OPRK1: variants seen among roughly 807,000 people sequenced by gnomAD.
OPRK1 encodes the protein kappa-type opioid receptor.
Under a neutral mutation model 24.5 loss-of-function variants are expected in OPRK1, and 15 were observed. The observed-to-expected ratio is 0.61, with a 90% CI of 0.41 to 0.94. OPRK1 has a LOEUF of 0.94. OPRK1 is among the 40% of genes least tolerant of loss of function. The pLI, the probability that OPRK1 is intolerant of heterozygous loss-of-function variation, is 0.00. For synonymous variants in OPRK1, 205 were observed against 198.0 expected, an observed-to-expected ratio of 1.04 and a Z score of -0.30; for missense variants, 479 against 507.3, an observed-to-expected ratio of 0.94 and a Z score of 0.54.
At chr8:53,232,023 A>C (rs983575574) in intron 3 of OPRK1, among the ~76,000 whole-genome samples, 1 of 152,214 alleles carries the variant, frequency 6.6e-6, no homozygotes, top group Non-Finnish European at 1.5e-5. Flanking sequence ...AGTTGGAAAT[A>C]TCCTCCAGAA....
chr8:53,231,868 G>A (rs58534275), intron 3 of OPRK1, among the ~76,000 whole-genome samples: 7,295 of 152,256 alleles, frequency 0.048, 216 homozygotes, highest in African/African-American at 0.077. Context: ...TGTTTAATTC[G>A]GATAGACCTT....
rs200385989 is a variant in OPRK1, at chr8:53,229,413, C to T, written c.1027G>A (p.Asp343Asn). 9.9e-6 allele frequency: 16 copies of T among 1,614,062 alleles called. No individual in the cohort carries two copies. The African/African-American group carries it at 2.1e-4, about 22-fold the overall frequency. The change falls in exon 4 of 4, where the codon GAC becomes AAC. Residue 343 changes from aspartate to asparagine, a missense_variant. Asp to Asn is a conservative substitution (Grantham distance 23). Coordinates refer to ENST00000265572, the MANE Select transcript of OPRK1 (RefSeq NM_000912.5). Reference protein sequence around the residue: ...LDENFKRCFRDFCFPLKMRME... With the variant: ...LDENFKRCFRNFCFPLKMRME... ...CTCATCTTCAGTGGAAAGCAGAAGT[C>T]CCGGAAACACCGCTTGAAGTTTTCA...
At chr8:53,235,453 C>T (rs900779654) in intron 2 of OPRK1, among the ~76,000 whole-genome samples, 5 of 152,130 alleles carry the variant, frequency 3.3e-5, no homozygotes, top group Admixed American at 2.6e-4. Context: ...TGCCCAGAGT[C>T]GCTTGGCTTT....
At chr8:53,230,517 T>C (rs73585658) in intron 3 of OPRK1, among the ~76,000 whole-genome samples, 10,051 of 152,238 alleles carry the variant, frequency 0.066, 482 homozygotes, top group African/African-American at 0.14. Context: ...ATCAGGCACA[T>C]TTATTTTCAT....
chr8:53,232,349 CA>C lies in OPRK1; in HGVS notation c.610+2409del, dbSNP rs1476958558. Among the ~76,000 whole-genome samples the C allele has an allele frequency of 7.2e-5, 11 of 152,052 alleles. No individual in the cohort carries two copies. The East Asian group carries it at 2.1e-3, about 29-fold the overall frequency. ...AGCACAAGAAGGTGACTACAGTTAACAATAATTTATTATATATTTCAAAATA... is the reference window on the plus strand; with the variant it reads ...AGCACAAGAAGGTGACTACAGTTAACATAATTTATTATATATTTCAAAATA... On this transcript the variant is annotated intron_variant, in intron 3 of 3. Coordinates refer to ENST00000265572, the MANE Select transcript of OPRK1 (RefSeq NM_000912.5).
chr8:53,230,602 C>T (rs935458305), intron 3 of OPRK1, among the ~76,000 whole-genome samples: 1 of 152,176 alleles, frequency 6.6e-6, no homozygotes, highest in African/African-American at 2.4e-5. Flanking sequence ...GCTATATTTG[C>T]TCTGCTTCTC....
intron 2 of OPRK1, among the ~76,000 whole-genome samples, chr8:53,236,145 A>G (rs1292163955): frequency 1.3e-5 from 2 of 152,206 alleles, no homozygotes; most frequent in Non-Finnish European, 2.9e-5. Flanking sequence ...CACATGAGAA[A>G]CAACTCTGAA....
chr8:53,229,893 G>C, intron 3 of OPRK1, 64 bp from the exon 4 acceptor site: 1 of 1,440,292 alleles, frequency 6.9e-7, no homozygotes, highest in Non-Finnish European at 9.3e-7. Context: ...TGGCTGCAAA[G>C]TGTTTTAAAT....
intron 3 of OPRK1, among the ~76,000 whole-genome samples, chr8:53,233,803 C>A (rs576714852): frequency 6.6e-6 from 1 of 152,178 alleles, no homozygotes; most frequent in East Asian, 1.9e-4. Context: ...TACACCAGAC[C>A]CTTAAGGGGT....
intron 2 of OPRK1, among the ~76,000 whole-genome samples, chr8:53,249,370 T>C (rs535323852): frequency 6.6e-6 from 1 of 152,318 alleles, no homozygotes; most frequent in East Asian, 1.9e-4. Flanking sequence ...TGTCTAATTG[T>C]CTCTTTAGTG....
chr8:53,230,431 C>A (rs1806823715), intron 3 of OPRK1, among the ~76,000 whole-genome samples: 1 of 152,064 alleles, frequency 6.6e-6, no homozygotes, highest in Non-Finnish European at 1.5e-5. Flanking sequence ...TGATTAAGGG[C>A]ATTACTGAAA....
In OPRK1 at chr8:53,229,207, A is replaced by T. The variant is rs1319900490; in HGVS notation, c.*90T>A. The T allele has an allele frequency of 7.1e-7, 1 of 1,410,232 alleles. No individual in the cohort carries two copies. Among genetic ancestry groups the T allele is most frequent in the Middle Eastern group, 2.5e-4 (1 of 3,972 alleles). 87.4% of individuals were successfully genotyped at this position (1,410,232 alleles called of 1,614,324 possible). A position where few individuals can be genotyped will look rare whatever the true frequency, so the allele number is the denominator to read the frequency against. On this transcript the variant is annotated 3_prime_UTR_variant, in exon 4 of 4. Transcript: ENST00000265572. ...AGTTTATTTTAAATTCTATCTTTTC[A>T]TGTCAGACTGCAGTAGTGATCTGAG...
intron 2 of OPRK1, chr8:53,242,883 G>A (rs1807149337): frequency 7.8e-7 from 1 of 1,287,386 alleles, no homozygotes; most frequent in Non-Finnish European, 1.0e-6. Context: ...TTCATCACAT[G>A]GTTTTGTCGT....
intron 2 of OPRK1, among the ~76,000 whole-genome samples, chr8:53,250,555 C>G (rs1807350957): frequency 6.6e-6 from 1 of 152,176 alleles, no homozygotes; most frequent in Non-Finnish European, 1.5e-5. Context: ...TCCAGACGCC[C>G]CTGGCCGCTC....
rs201478761 is a variant in OPRK1, at chr8:53,226,115, C to T, written c.*3182G>A. On this transcript the variant is annotated 3_prime_UTR_variant, in exon 4 of 4. Coordinates refer to ENST00000265572, the MANE Select transcript of OPRK1 (RefSeq NM_000912.5). ...TAAATTGTCTGACAATAGTTATACA[C>T]GTTTAAGAACTGTATTTCTTAGTAA... 6.6e-6 allele frequency: 1 copy of T among 152,114 alleles called. No individual in the cohort carries two copies. Among genetic ancestry groups the T allele is most frequent in the Non-Finnish European group, 1.5e-5 (1 of 68,036 alleles). 9.4% of individuals were successfully genotyped at this position (152,114 alleles called of 1,614,324 possible).
intron 2 of OPRK1, among the ~76,000 whole-genome samples, chr8:53,244,971 A>G (rs571459017): frequency 6.6e-6 from 1 of 152,326 alleles, no homozygotes; most frequent in South Asian, 2.1e-4. Context: ...GTTTTTGCAT[A>G]TAACTTATGC....
intron 2 of OPRK1, among the ~76,000 whole-genome samples, chr8:53,239,507 G>C (rs1490574429): frequency 1.3e-5 from 2 of 152,186 alleles, no homozygotes. Context: ...GGAGTCACAG[G>C]TGGCTGCCTG....
chr8:53,234,645 C>G, intron 3 of OPRK1, 114 bp downstream of exon 3: 1 of 873,340 alleles, frequency 1.1e-6, no homozygotes, highest in Non-Finnish European at 1.8e-6. Context: ...ACTACATTTC[C>G]GTCGTCTTTT....
chr8:53,229,486 T>A lies in OPRK1; in HGVS notation c.954A>T (p.Leu318Phe), dbSNP rs779693056. ...ALSSYYFCIA[L>F]GYTNSSLNPI... ...GATTCAGGCTACTGTTGGTATAGCC[T>A]AAGGCGATGCAGAAGTAATAGCTGG... is the stretch of plus-strand genomic sequence containing the variant. Residue 318 changes from leucine to phenylalanine, a missense_variant, in exon 4 of 4, where the codon TTA (leucine) becomes TTT (phenylalanine). Physicochemically the swap from Leu to Phe is conservative, Grantham distance 22 (BLOSUM62 0). Coordinates refer to ENST00000265572, the MANE Select transcript of OPRK1 (RefSeq NM_000912.5). The A allele has an allele frequency of 6.2e-7, 1 of 1,614,066 alleles. No individual in the cohort carries two copies. Among genetic ancestry groups the A allele is most frequent in the Non-Finnish European group, 8.5e-7 (1 of 1,180,042 alleles).
Sources: gnomAD v4.1 joint callset for allele counts (sites outside exome capture counted in the v4.1 genomes callset) on GRCh38, gnomAD v4.1.1 for gene constraint, MANE v1.5 for transcripts, NCBI Gene and HGNC (gene_info 2026-07-23, HGNC 2026-07-21) for gene names.